AP2B1: variants seen among roughly 807,000 people sequenced by gnomAD.
The protein encoded by AP2B1 is adaptor related protein complex 2 subunit beta 1.
Under a neutral mutation model 102.0 loss-of-function variants are expected in AP2B1, and 23 were observed. That is an observed-to-expected ratio of 0.23 (90% CI 0.16 to 0.32). The LOEUF (loss-of-function observed/expected upper bound fraction) is 0.32, where lower values mean the gene tolerates loss of function less well. Ranked by LOEUF, AP2B1 falls within the 10% of genes least tolerant of loss-of-function variation. AP2B1 has a pLI of 1.00. For missense variants in AP2B1, 541 were observed against 1,157.4 expected (o/e 0.47, Z 7.73); for synonymous variants, 381 against 421.2 (o/e 0.90, Z 1.17).
intron 14 of AP2B1, among the ~76,000 whole-genome samples, chr17:35,663,999 T>C (rs748003041): frequency 7.9e-5 from 12 of 152,192 alleles, no homozygotes; most frequent in Non-Finnish European, 1.8e-4. Flanking sequence ...GCTCAAGTAG[T>C]CCTCCCACCT....
chr17:35,618,791 C>A (rs1313777195), intron 5 of AP2B1, among the ~76,000 whole-genome samples: 3 of 151,992 alleles, frequency 2.0e-5, no homozygotes, highest in Non-Finnish European at 4.4e-5. Context: ...AAAATGAGGT[C>A]AAATTTATTA....
At chr17:35,707,328 A>G (rs904647254) in intron 18 of AP2B1, among the ~76,000 whole-genome samples, 4 of 149,064 alleles carry the variant, frequency 2.7e-5, no homozygotes, top group Non-Finnish European at 4.5e-5. Flanking sequence ...AATTTTTTGT[A>G]TTTTAGTAGA....
intron 18 of AP2B1, among the ~76,000 whole-genome samples, chr17:35,700,369 G>A (rs1266329330): frequency 1.3e-5 from 2 of 151,868 alleles, no homozygotes; most frequent in Non-Finnish European, 2.9e-5. Flanking sequence ...GATGGTTGAC[G>A]TCACTGCCTG....
chr17:35,718,337 T>A (rs1472730476), intron 21 of AP2B1, among the ~76,000 whole-genome samples: 1 of 151,016 alleles, frequency 6.6e-6, no homozygotes, highest in Admixed American at 6.6e-5. Context: ...TGTGTGTGTG[T>A]GTGTGTGTGT....
intron 5 of AP2B1, among the ~76,000 whole-genome samples, chr17:35,616,459 C>T (rs1294798250): frequency 2.0e-5 from 3 of 152,022 alleles, no homozygotes; most frequent in Admixed American, 2.0e-4. Context: ...TGAGCCACCG[C>T]GCCCTGCCAA....
chr17:35,692,341 T>G (rs2076057518), intron 18 of AP2B1, among the ~76,000 whole-genome samples: 1 of 152,248 alleles, frequency 6.6e-6, no homozygotes, highest in African/African-American at 2.4e-5. Context: ...ACAGGCATCT[T>G]TTTATCATGA....
chr17:35,657,498 G>C (rs1488142624), intron 13 of AP2B1, 101 bp from the exon 14 acceptor site: 1 of 833,760 alleles, frequency 1.2e-6, no homozygotes, highest in African/African-American at 1.7e-5. Context: ...CCTTGTATTT[G>C]ATAGTTATAT....
chr17:35,609,788 G>T (rs1390032553), intron 5 of AP2B1, among the ~76,000 whole-genome samples: 1 of 152,178 alleles, frequency 6.6e-6, no homozygotes, highest in Non-Finnish European at 1.5e-5. Flanking sequence ...TTTAAATGGA[G>T]AATTAGAATT....
intron 20 of AP2B1, among the ~76,000 whole-genome samples, chr17:35,714,418 G>A (rs2076511129): frequency 6.6e-6 from 1 of 152,212 alleles, no homozygotes; most frequent in East Asian, 1.9e-4. Flanking sequence ...CTTCACCCTT[G>A]TTGCTGTCAG....
chr17:35,688,950 C>G (rs1036500183), intron 18 of AP2B1, among the ~76,000 whole-genome samples: 1 of 152,060 alleles, frequency 6.6e-6, no homozygotes, highest in African/African-American at 2.4e-5. Flanking sequence ...CGTGACAGAA[C>G]GAGCCACAAG....
chr17:35,596,708 C>T, intron 2 of AP2B1, among the ~76,000 whole-genome samples: 1 of 152,156 alleles, frequency 6.6e-6, no homozygotes. Flanking sequence ...GCTCCAGCTG[C>T]CCGGTGTAGA....
intron 12 of AP2B1, among the ~76,000 whole-genome samples, chr17:35,643,017 C>T (rs2074826392): frequency 6.6e-6 from 1 of 150,902 alleles, no homozygotes. Flanking sequence ...CCTCCCACAC[C>T]CCCCACAGCC....
intron 12 of AP2B1, among the ~76,000 whole-genome samples, chr17:35,650,116 A>AT (rs1324863636): frequency 6.6e-6 from 1 of 151,838 alleles, no homozygotes; most frequent in Non-Finnish European, 1.5e-5. Context: ...AGCCCAGCTA[A>AT]TTTTTGTATT....
At chr17:35,615,439 C>T (rs2073985913) in intron 5 of AP2B1, among the ~76,000 whole-genome samples, 2 of 152,136 alleles carry the variant, frequency 1.3e-5, no homozygotes, top group African/African-American at 4.8e-5. Flanking sequence ...AGGAAGTTTA[C>T]TTGTGTGGTG....
intron 18 of AP2B1, among the ~76,000 whole-genome samples, chr17:35,703,306 C>T (rs1386249461): frequency 1.6e-5 from 2 of 124,628 alleles, no homozygotes; most frequent in Admixed American, 7.8e-5. Context: ...AAATACCACT[C>T]GACTCAGCAA....
chr17:35,638,715 G>A (rs2074680300), intron 10 of AP2B1, among the ~76,000 whole-genome samples: 1 of 151,792 alleles, frequency 6.6e-6, no homozygotes, highest in Non-Finnish European at 1.5e-5. Context: ...CATGAACCCG[G>A]GAGGCGGAGC....
At chr17:35,593,406 A>G (rs916092453) in intron 1 of AP2B1, among the ~76,000 whole-genome samples, 3 of 151,614 alleles carry the variant, frequency 2.0e-5, no homozygotes, top group African/African-American at 4.9e-5. Context: ...AAAATATCTC[A>G]TGTACCTATA....
intron 5 of AP2B1, among the ~76,000 whole-genome samples, chr17:35,622,816 C>G (rs111548033): frequency 8.5e-5 from 13 of 152,128 alleles, no homozygotes; most frequent in Non-Finnish European, 1.9e-4. Context: ...AGGCACACAC[C>G]ACCATGCCCG....
intron 18 of AP2B1, among the ~76,000 whole-genome samples, chr17:35,704,884 A>C (rs1271941914): frequency 6.6e-6 from 1 of 152,016 alleles, no homozygotes; most frequent in African/African-American, 2.4e-5. Context: ...TACAAAAATT[A>C]GGTGGACGTG....
Sources: allele counts gnomAD v4.1 joint callset (sites outside exome capture counted in the v4.1 genomes callset), GRCh38; gene constraint gnomAD v4.1.1; transcripts MANE v1.5; gene names NCBI Gene and HGNC (gene_info 2026-07-23, HGNC 2026-07-21).